Variants in HIVEP2 observed in about 807,000 individuals in gnomAD.
The protein encoded by HIVEP2 is transcription factor HIVEP2.
HIVEP2 carries 14 observed loss-of-function variants against 180.7 expected under a neutral mutation model. That is an observed-to-expected ratio of 0.08 (90% confidence interval 0.05 to 0.12). The LOEUF (loss-of-function observed/expected upper bound fraction) is 0.12. HIVEP2 is among the 10% of genes least tolerant of loss of function. The probability of loss-of-function intolerance (pLI) is 1.00; values close to 1 mark genes in which losing one functional copy is unlikely to be tolerated. For missense variants in HIVEP2, 2,579 were observed against 3,008.5 expected, an observed-to-expected ratio of 0.86 and a Z score of 3.34; for synonymous variants, 1,184 against 1,136.4, an observed-to-expected ratio of 1.04 and a Z score of -0.84.
At chr6:142,930,350 G>T (rs964033974) in intron 1 of HIVEP2, among the ~76,000 whole-genome samples, 3 of 152,126 alleles carry the variant, frequency 2.0e-5, no homozygotes, top group African/African-American at 7.2e-5. Flanking sequence ...CACAATCTTT[G>T]GTTCCTATAG....
At chr6:142,862,677 T>C (rs1229450408) in intron 1 of HIVEP2, among the ~76,000 whole-genome samples, 4 of 142,904 alleles carry the variant, frequency 2.8e-5, no homozygotes, top group Non-Finnish European at 6.0e-5. Flanking sequence ...TTGTGTACTA[T>C]ATCTATTACA....
chr6:142,753,578 C>A lies in HIVEP2; in HGVS notation c.6870G>T (p.Leu2290Phe). The change falls in exon 10 of 10, where the codon TTG (leucine) becomes TTT (phenylalanine). Residue 2290 changes from leucine to phenylalanine, a missense_variant. Physicochemically the swap from Leu to Phe is conservative, Grantham distance 22. Coordinates refer to ENST00000367603, the MANE Select transcript of HIVEP2 (RefSeq NM_006734.4). Reference protein sequence around the residue: ...KQHEKRGPHALQSSGPPSTPS... With the variant: ...KQHEKRGPHAFQSSGPPSTPS... The stretch of plus-strand genomic sequence containing the variant: ...GAGTGCTAGGTGGACCAGATGACTG[C>A]AAAGCGTGAGGACCTCGCTTCTCAT... 1.2e-6 allele frequency: 2 copies of A among 1,614,146 alleles called. No homozygotes were observed. The highest frequency in any genetic ancestry group is 1.7e-6 in the Non-Finnish European group (2 of 1,180,004).
Position 142,886,399 on chromosome 6 carries a change from A to G in HIVEP2, c.-640-49352T>C, listed in dbSNP as rs533828427. ...TGTTCTCTTTTCCTCCCACTCAAAC[A>G]TATGCATAGCTACCCTGCAAGCAGG... is the stretch of plus-strand genomic sequence containing the variant. On this transcript the variant is annotated intron_variant, in intron 1 of 9. Transcript: ENST00000367603. 2.0e-5 allele frequency among the ~76,000 whole-genome samples: 3 copies of G among 152,334 alleles called. No individual in the cohort carries two copies. The East Asian group carries it at 5.8e-4, about 29-fold the overall frequency.
At chr6:142,791,988 G>A (rs1036718564) in intron 2 of HIVEP2, among the ~76,000 whole-genome samples, 1 of 152,138 alleles carries the variant, frequency 6.6e-6, no homozygotes, top group African/African-American at 2.4e-5. Context: ...TTGAAAGAAG[G>A]CTCAGATTTG....
At position 142,771,009 on chromosome 6, in the gene HIVEP2, T is replaced by C. The variant is rs777382930; in HGVS notation, c.3730A>G (p.Lys1244Glu). The stretch of plus-strand genomic sequence containing the variant: ...TGGATTTCTGTCTGAAAAGAGGGCT[T>C]GCCATAGCTCTTCTGAGGGTGCTGA... ...FAQHPQKSYG[K>E]PSFQTEIHSS... is the part of the protein sequence containing the mutation. Residue 1244 changes from lysine (K) to glutamate (E), a missense_variant, in exon 5 of 10, where the codon AAG becomes GAG. Lys to Glu is a moderately conservative substitution (Grantham distance 56, BLOSUM62 1). This residue lies in a region of HIVEP2 where 523 missense variants were observed against 577.0 expected (regional missense o/e 0.91). Coordinates refer to ENST00000367603, the MANE Select transcript of HIVEP2 (RefSeq NM_006734.4). This position sits in a 1 kb window ranked among gnomAD's most constrained non-coding sequence, Gnocchi z 5.4. 31 of 1,614,042 alleles carry C rather than the reference T, an allele frequency of 1.9e-5. No homozygotes were observed. The highest frequency in any genetic ancestry group is 3.3e-5 in the South Asian group (3 of 91,078).
intron 1 of HIVEP2, among the ~76,000 whole-genome samples, chr6:142,857,425 T>C (rs1158790566): frequency 6.6e-6 from 1 of 152,186 alleles, no homozygotes; most frequent in African/African-American, 2.4e-5. Flanking sequence ...TTGTGCAAAT[T>C]GTTTTCCAAG....
intron 1 of HIVEP2, among the ~76,000 whole-genome samples, chr6:142,911,309 T>A (rs941613419): frequency 6.6e-6 from 1 of 151,982 alleles, no homozygotes; most frequent in Admixed American, 6.6e-5. Flanking sequence ...AATTTAAACA[T>A]AGCAATTTTC....
intron 2 of HIVEP2, among the ~76,000 whole-genome samples, chr6:142,793,677 C>CTTTCTGTCTT (rs1554279295): frequency 8.0e-6 from 1 of 125,044 alleles, no homozygotes; most frequent in African/African-American, 3.0e-5. Flanking sequence ...CTTTCTTTCT[C>CTTTCTGTCTT]TCTCTCTCTC....
chr6:142,849,450 T>G (rs1200641370), intron 1 of HIVEP2, among the ~76,000 whole-genome samples: 1 of 152,166 alleles, frequency 6.6e-6, no homozygotes, highest in Non-Finnish European at 1.5e-5. Context: ...TGGGAATATG[T>G]GAACTGAAAA....
At chr6:142,811,768 C>T (rs1423046798) in intron 2 of HIVEP2, among the ~76,000 whole-genome samples, 1 of 152,146 alleles carries the variant, frequency 6.6e-6, no homozygotes, top group Middle Eastern at 3.2e-3. Flanking sequence ...AGCAATTATC[C>T]TAACAGTGCC....
intron 1 of HIVEP2, among the ~76,000 whole-genome samples, chr6:142,873,329 C>A (rs1228291433): frequency 6.6e-6 from 1 of 152,104 alleles, no homozygotes; most frequent in East Asian, 1.9e-4. Flanking sequence ...TCTCTACTTT[C>A]CCAAAAGAAG....
intron 1 of HIVEP2, among the ~76,000 whole-genome samples, chr6:142,841,040 T>C (rs1277084558): frequency 1.3e-5 from 2 of 152,126 alleles, no homozygotes; most frequent in African/African-American, 4.8e-5. Flanking sequence ...TAATATAAAA[T>C]GTATCTACTC....
rs547872594 is a variant in HIVEP2, at chr6:142,865,967, G to A, written c.-640-28920C>T. ...ACTTTTGAGGATCAGACCTTGGTTC[G>A]AATCCTTCCTTTACCACTGGCCAGC... On this transcript the variant is annotated intron_variant, in intron 1 of 9. Transcript: ENST00000367603. Among the ~76,000 whole-genome samples, 27 of 152,262 alleles carry A rather than the reference G, an allele frequency of 1.8e-4. 3 individuals carry two copies. The highest frequency in any genetic ancestry group is 4.8e-4 in the African/African-American group (20 of 41,552).
intron 1 of HIVEP2, among the ~76,000 whole-genome samples, chr6:142,867,186 CT>C (rs1776162320): frequency 6.6e-6 from 1 of 151,988 alleles, no homozygotes; most frequent in African/African-American, 2.4e-5. Flanking sequence ...GGATTTTACT[CT>C]TTTGCTATTA....
At chr6:142,810,493 T>C (rs1179014758) in intron 2 of HIVEP2, among the ~76,000 whole-genome samples, 1 of 152,126 alleles carries the variant, frequency 6.6e-6, no homozygotes, top group Non-Finnish European at 1.5e-5. Context: ...CTAGGTTCAG[T>C]GGCTCATGCC....
upstream of HIVEP2, chr6:142,945,291 T>TC (rs1431244511): frequency 5.3e-5 from 8 of 152,130 alleles, no homozygotes. The surrounding 1 kb of genome is among the most constrained non-coding windows in gnomAD (Gnocchi z 5.5). Flanking sequence ...TCCCCGCATT[T>TC]CCCCACGCGC....
intron 1 of HIVEP2, among the ~76,000 whole-genome samples, chr6:142,899,581 C>T (rs568400867): frequency 2.4e-4 from 37 of 152,260 alleles, no homozygotes; most frequent in African/African-American, 8.7e-4. Context: ...ATCTTAGTTG[C>T]AAATAATTTA....
At chr6:142,793,656 C>CTTTCTTTCTTTCT (rs1269273663) in intron 2 of HIVEP2, among the ~76,000 whole-genome samples, 1 of 77,330 alleles carries the variant, frequency 1.3e-5, no homozygotes, top group African/African-American at 4.4e-5. Context: ...TTCTTTCTTT[C>CTTTCTTTCTTTCT]TTTTTTCTTT....
chr6:142,774,976 T>C lies in HIVEP2; in HGVS notation c.-238A>G. On this transcript the variant is annotated 5_prime_UTR_variant, in exon 5 of 10. The change abolishes an upstream ATG in the 5' untranslated region. Transcript: ENST00000367603. The surrounding 1 kb of genome is among the most constrained non-coding windows in gnomAD (Gnocchi z 5.1). ...GTTCTCTCCATTGTAGAAACGTCCATCCAAAAGCTAAGTGCAAATCTATAA... is the reference window on the plus strand; with the variant it reads ...GTTCTCTCCATTGTAGAAACGTCCACCCAAAAGCTAAGTGCAAATCTATAA... 2 of 1,277,914 alleles carry C rather than the reference T, an allele frequency of 1.6e-6. No homozygotes were observed. The highest frequency in any genetic ancestry group is 2.0e-6 in the Non-Finnish European group (2 of 1,013,342). 79.2% of individuals were successfully genotyped at this position (1,277,914 alleles called of 1,614,324 possible). A position where few individuals can be genotyped will look rare whatever the true frequency, so the allele number is the denominator to read the frequency against.
Sources: gnomAD v4.1 joint callset for allele counts (sites outside exome capture counted in the v4.1 genomes callset) on GRCh38, gnomAD v4.1.1 for gene constraint, gnomAD v4.1.1 regional missense constraint, Gnocchi (gnomAD v3.1) non-coding constraint, MANE v1.5 for transcripts, NCBI Gene and HGNC (gene_info 2026-07-23, HGNC 2026-07-21) for gene names.